ZNF227: variants seen among roughly 807,000 people sequenced by gnomAD.
ZNF227 encodes zinc finger protein 227.
Under a neutral mutation model 13.2 loss-of-function variants are expected in ZNF227, and 12 were observed. The ratio of observed to expected loss-of-function variants is 0.91; its 90% CI spans 0.58 to 1.47. The LOEUF (loss-of-function observed/expected upper bound fraction) is 1.47, where lower values mean the gene tolerates loss of function less well. Among genes scored for constraint, ZNF227 ranks in the 40% most tolerant of loss-of-function variants. The pLI is 0.00. For missense variants in ZNF227, 885 were observed against 967.5 expected, an observed-to-expected ratio of 0.91 and a Z score of 1.13; for synonymous variants, 338 against 326.0, an observed-to-expected ratio of 1.04 and a Z score of -0.40.
rs1415177303 is a variant in ZNF227, at chr19:44,237,169, C to T, written c.*339C>T. On this transcript the variant is annotated 3_prime_UTR_variant, in exon 6 of 6. Transcript: ENST00000313040. ...GCCAGGGAGAGTTTTGGGTTATTAT[C>T]CCTTTTCTTTAATTTTCATTTTATA... 9.9e-6 allele frequency: 2 copies of T among 201,730 alleles called. No individual in the cohort carries two copies. The highest frequency in any genetic ancestry group is 2.0e-5 in the Non-Finnish European group (2 of 100,388). 12.5% of individuals were successfully genotyped at this position (201,730 alleles called of 1,614,324 possible).
chr19:44,226,385 T>C (rs2122813397), intron 3 of ZNF227, among the ~76,000 whole-genome samples: 1 of 152,352 alleles, frequency 6.6e-6, no homozygotes, highest in Middle Eastern at 3.4e-3. Context: ...AGGTGGAGCC[T>C]ACAGAGGCAG....
At chr19:44,215,307 GT>G (rs949546594) in intron 2 of ZNF227, among the ~76,000 whole-genome samples, 6 of 147,502 alleles carry the variant, frequency 4.1e-5, no homozygotes, top group South Asian at 2.1e-4. Flanking sequence ...GCTGAGGTCA[GT>G]TTTTTTTTTA....
At position 44,228,428 on chromosome 19, in the gene ZNF227, A is replaced by C; in HGVS notation, c.61-18A>C. ...AGGTTGGTTGTAAGATTGAGGTTAC[A>C]TGTGTTTGATATTGTAGGAGGCTGT... On this transcript the variant is annotated intron_variant, in intron 3 of 5. Coordinates refer to ENST00000313040, the MANE Select transcript of ZNF227 (RefSeq NM_182490.3). 6.2e-7 allele frequency: 1 copy of C among 1,605,458 alleles called. No homozygotes were observed. Among genetic ancestry groups the C allele is most frequent in the Non-Finnish European group, 8.5e-7 (1 of 1,177,540 alleles).
chr19:44,236,779 C>G lies in ZNF227; in HGVS notation c.2349C>G (p.His783Gln), dbSNP rs1186335177. ...KCDICDKDFR[H>Q]RSRLTYHQKV... ...ACATATGTGATAAGGACTTCCGTCA[C>G]CGTTCACGTCTTACATATCATCAGA... is the stretch of plus-strand genomic sequence containing the variant. Residue 783 changes from histidine (H) to glutamine (Q), a missense_variant, in exon 6 of 6, where the codon CAC becomes CAG. Coordinates refer to ENST00000313040, the MANE Select transcript of ZNF227 (RefSeq NM_182490.3). The G allele has an allele frequency of 1.2e-6, 2 of 1,607,108 alleles. No homozygotes were observed. Among genetic ancestry groups the G allele is most frequent in the Non-Finnish European group, 1.7e-6 (2 of 1,176,808 alleles).
intron 3 of ZNF227, among the ~76,000 whole-genome samples, chr19:44,221,223 C>A (rs1599792279): frequency 6.6e-6 from 1 of 152,148 alleles, no homozygotes; most frequent in African/African-American, 2.4e-5. Flanking sequence ...CATGAACATA[C>A]ATGTGCATGT....
At chr19:44,221,329 A>G (rs1053129120) in intron 3 of ZNF227, among the ~76,000 whole-genome samples, 3 of 152,184 alleles carry the variant, frequency 2.0e-5, no homozygotes, top group Non-Finnish European at 2.9e-5. Context: ...TCCCTGAGGA[A>G]TCGCCACACT....
intron 5 of ZNF227, among the ~76,000 whole-genome samples, chr19:44,232,144 T>G (rs1973903567): frequency 6.6e-6 from 1 of 152,184 alleles, no homozygotes; most frequent in Non-Finnish European, 1.5e-5. Context: ...TGAGTCCTGA[T>G]TAGGCAAAGA....
intron 3 of ZNF227, among the ~76,000 whole-genome samples, chr19:44,225,895 T>G (rs1276514276): frequency 2.0e-5 from 3 of 152,164 alleles, no homozygotes; most frequent in Admixed American, 6.5e-5. Context: ...CTTTATGGTT[T>G]TATCTAGTTT....
At chr19:44,220,232 A>T (rs1269983357) in intron 3 of ZNF227, among the ~76,000 whole-genome samples, 1 of 152,122 alleles carries the variant, frequency 6.6e-6, no homozygotes. Flanking sequence ...TAGTGCCAGA[A>T]TTAACATATG....
intron 4 of ZNF227, 91 bp from the exon 5 acceptor site, chr19:44,229,642 C>T: frequency 1.5e-6 from 1 of 646,894 alleles, no homozygotes. Context: ...TAAAATATCA[C>T]TATAGAGGTT....
chr19:44,221,302 G>C (rs925443681), intron 3 of ZNF227, among the ~76,000 whole-genome samples: 4 of 152,158 alleles, frequency 2.6e-5, no homozygotes, highest in African/African-American at 9.7e-5. Flanking sequence ...GGGTCAAATG[G>C]TATTTCTAGT....
intron 3 of ZNF227, among the ~76,000 whole-genome samples, chr19:44,225,274 T>C (rs1424756202): frequency 6.6e-6 from 1 of 151,962 alleles, no homozygotes; most frequent in Non-Finnish European, 1.5e-5. Context: ...AGGAGTATCT[T>C]TGTGGCGTTC....
intron 2 of ZNF227, chr19:44,217,528 T>C: frequency 1.5e-6 from 1 of 655,542 alleles, no homozygotes; most frequent in Non-Finnish European, 2.8e-6. Flanking sequence ...AGCCCTCATA[T>C]GTTGTTACAT....
chr19:44,233,881 C>T (rs770070799), intron 5 of ZNF227, among the ~76,000 whole-genome samples: 7 of 151,826 alleles, frequency 4.6e-5, no homozygotes, highest in African/African-American at 1.2e-4. Flanking sequence ...GGCGACAGAG[C>T]GAGACGCTGT....
chr19:44,231,421 C>T (rs950586611), intron 5 of ZNF227, among the ~76,000 whole-genome samples: 2 of 151,928 alleles, frequency 1.3e-5, no homozygotes. Flanking sequence ...CTGCAACCTT[C>T]GCCTCCTGGG....
At chr19:44,219,763 A>T (rs918806274) in intron 3 of ZNF227, among the ~76,000 whole-genome samples, 1 of 145,608 alleles carries the variant, frequency 6.9e-6, no homozygotes, top group Admixed American at 7.1e-5. Flanking sequence ...ATTTTCTTTT[A>T]TTTATTTATT....
At chr19:44,212,646 AG>A (rs1599760852) in intron 1 of ZNF227, 61 bp downstream of exon 1, 1 of 152,014 alleles carries the variant, frequency 6.6e-6, no homozygotes, top group African/African-American at 2.4e-5. Flanking sequence ...GCTTGGGAAT[AG>A]GCGCTCCCCA....
At chr19:44,228,224 A>C (rs1973383077) in intron 3 of ZNF227, 1 of 427,948 alleles carries the variant, frequency 2.3e-6, no homozygotes, top group Non-Finnish European at 4.0e-6. Flanking sequence ...GTGAGACTCC[A>C]TCTCAAAAAA....
Position 44,234,924 on chromosome 19 carries a change from A to G in ZNF227, c.494A>G (p.Glu165Gly). 6.2e-7 allele frequency: 1 copy of G among 1,612,996 alleles called. No homozygotes were observed. ...NPKGDSSIYI[E>G]NQEFPFWRTQ... ...AAAGGAGATAGCTCTATTTATATTG[A>G]AAATCAAGAGTTTCCATTTTGGAGA... Residue 165 changes from glutamate (E) to glycine (G), a missense_variant, in exon 6 of 6, where the codon GAA (glutamate) becomes GGA (glycine). By Grantham distance (98) the Glu-to-Gly change is moderately conservative. Transcript: ENST00000313040.
Sources: allele counts gnomAD v4.1 joint callset (sites outside exome capture counted in the v4.1 genomes callset), GRCh38; gene constraint gnomAD v4.1.1; transcripts MANE v1.5; gene names NCBI Gene and HGNC (gene_info 2026-07-23, HGNC 2026-07-21).